The following EPS15L1 variants were observed in gnomAD, a reference collection of about 807,000 sequenced individuals.
EPS15L1 encodes epidermal growth factor receptor pathway substrate 15 like 1.
Under a neutral mutation model 117.1 loss-of-function variants are expected in EPS15L1, and 43 were observed. The ratio of observed to expected loss-of-function variants is 0.37; its 90% CI spans 0.29 to 0.47. EPS15L1 has a LOEUF of 0.47. EPS15L1 is among the 20% of genes least tolerant of loss of function. EPS15L1 has a pLI of 0.99. For synonymous variants in EPS15L1, 459 were observed against 470.5 expected (o/e 0.98, Z 0.32); for missense variants, 981 against 1,164.0 (o/e 0.84, Z 2.29).
intron 1 of EPS15L1, among the ~76,000 whole-genome samples, chr19:16,457,363 GC>G (rs2093207640): frequency 6.6e-6 from 1 of 152,170 alleles, no homozygotes; most frequent in Non-Finnish European, 1.5e-5. Flanking sequence ...TCCGCAGCCA[GC>G]AGCAGACATA....
intron 7 of EPS15L1, among the ~76,000 whole-genome samples, chr19:16,431,926 T>C (rs2092931778): frequency 6.6e-6 from 1 of 152,228 alleles, no homozygotes; most frequent in Non-Finnish European, 1.5e-5. Flanking sequence ...CTTATGCTTG[T>C]ATTTTTCTAA....
chr19:16,387,838 T>G (rs770189347), intron 19 of EPS15L1, among the ~76,000 whole-genome samples: 13 of 151,686 alleles, frequency 8.6e-5, no homozygotes, highest in Non-Finnish European at 1.5e-4. Context: ...GTAAGTGAAG[T>G]TGAAAACAGA....
At chr19:16,422,970 AG>A (rs34129551) in intron 9 of EPS15L1, among the ~76,000 whole-genome samples, 23,057 of 121,082 alleles carry the variant, frequency 0.19, 1,893 homozygotes, top group African/African-American at 0.21. Flanking sequence ...GGAAAAAAAA[AG>A]GGGGGGGGGA....
At chr19:16,403,230 GC>G (rs143206632) in intron 15 of EPS15L1, among the ~76,000 whole-genome samples, 23 of 151,558 alleles carry the variant, frequency 1.5e-4, no homozygotes, top group Admixed American at 7.9e-4. Flanking sequence ...AGAAGCCAGC[GC>G]CCCCCCCTGG....
At chr19:16,367,116 C>T (rs902239431) in intron 22 of EPS15L1, among the ~76,000 whole-genome samples, 1 of 151,530 alleles carries the variant, frequency 6.6e-6, no homozygotes, top group East Asian at 1.9e-4. Flanking sequence ...GGATGGAAAT[C>T]ATGAAAACAA....
intron 22 of EPS15L1, among the ~76,000 whole-genome samples, chr19:16,375,649 G>C (rs2092286193): frequency 6.6e-6 from 1 of 152,208 alleles, no homozygotes; most frequent in South Asian, 2.1e-4. Flanking sequence ...TTTTCCTCCT[G>C]ATGGTAAATG....
rs922700439 is a variant in EPS15L1, at chr19:16,371,345, C to T, written c.2380+5777G>A. On this transcript the variant is annotated intron_variant, in intron 22 of 23. Coordinates refer to ENST00000455140, the MANE Select transcript of EPS15L1 (RefSeq NM_001258374.3). The surrounding 1 kb of genome is among the most constrained non-coding windows in gnomAD (Gnocchi z 4.7). ...CCTGGGTGGATGCCACACACAGGTA[C>T]GGGAGGGGCTTGTTTGCAAGGGGAA... is the stretch of plus-strand genomic sequence containing the variant. 3.9e-5 allele frequency among the ~76,000 whole-genome samples: 6 copies of T among 152,108 alleles called. No homozygotes were observed. Among genetic ancestry groups the T allele is most frequent in the African/African-American group, 9.7e-5 (4 of 41,410 alleles).
intron 1 of EPS15L1, among the ~76,000 whole-genome samples, chr19:16,464,729 T>TAACACTA: frequency 6.7e-6 from 1 of 148,518 alleles, no homozygotes; most frequent in Non-Finnish European, 1.5e-5. Context: ...ACACATAAAA[T>TAACACTA]ACACTAACAC....
chr19:16,427,183 C>T (rs1015171824), intron 8 of EPS15L1, among the ~76,000 whole-genome samples: 8 of 152,078 alleles, frequency 5.3e-5, no homozygotes, highest in Non-Finnish European at 8.8e-5. Context: ...AATTTTCTGT[C>T]GGAGGCCAAG....
Position 16,425,070 on chromosome 19 carries a change from G to A in EPS15L1, c.792+13C>T. On this transcript the variant is annotated intron_variant, in intron 9 of 23. Transcript: ENST00000455140. The stretch of plus-strand genomic sequence containing the variant: ...GCTCTGAGAGGGGGCTGTGCCCGCT[G>A]AGGGCTCCGTACCTGTGTTTGCTTG... The A allele has an allele frequency of 6.2e-7, 1 of 1,608,472 alleles. No individual in the cohort carries two copies. Among genetic ancestry groups the A allele is most frequent in the Non-Finnish European group, 8.5e-7 (1 of 1,174,860 alleles).
intron 16 of EPS15L1, chr19:16,401,685 A>G: frequency 2.0e-6 from 2 of 985,442 alleles, no homozygotes; most frequent in Non-Finnish European, 2.4e-6. Flanking sequence ...GGGGCTCAAG[A>G]GCTCTCAAAA....
intron 12 of EPS15L1, among the ~76,000 whole-genome samples, chr19:16,415,263 A>G (rs1339782091): frequency 6.6e-6 from 1 of 152,118 alleles, no homozygotes; most frequent in Non-Finnish European, 1.5e-5. Context: ...CGGTATCTGG[A>G]GGTTGGACTT....
intron 19 of EPS15L1, among the ~76,000 whole-genome samples, chr19:16,389,707 A>C (rs2092457469): frequency 6.6e-6 from 1 of 152,212 alleles, no homozygotes; most frequent in South Asian, 2.1e-4. Context: ...TAGATGTATG[A>C]AATTCACATG....
In EPS15L1 at chr19:16,377,107, A is replaced by C. The variant is rs1314025901; in HGVS notation, c.2380+15T>G. 6.3e-7 allele frequency: 1 copy of C among 1,583,718 alleles called. No homozygotes were observed. ...ACCGGTAGGCGGTGGCTGCGAGAGA[A>C]GAAAGCTTACTGACCGCTGGGCGGT... On this transcript the variant is annotated intron_variant, in intron 22 of 23. Transcript: ENST00000455140.
At position 16,355,563 on chromosome 19, in the gene EPS15L1, G is replaced by GA. The variant is rs1489357302; in HGVS notation, c.*141dup. The GA allele has an allele frequency of 6.5e-6, 7 of 1,082,460 alleles. No homozygotes were observed. The highest frequency in any genetic ancestry group is 9.0e-6 in the Non-Finnish European group (7 of 777,810). 67.1% of individuals were successfully genotyped at this position (1,082,460 alleles called of 1,614,324 possible). A position where few individuals can be genotyped will look rare whatever the true frequency, so the allele number is the denominator to read the frequency against. On this transcript the variant is annotated 3_prime_UTR_variant, in exon 24 of 24. Transcript: ENST00000455140. ...TGTGACCTTTCCAGGTCTTGCAGCC[G>GA]AGTCTGCTCACCCTGAACAAGCCCC...
intron 1 of EPS15L1, among the ~76,000 whole-genome samples, chr19:16,451,882 A>T (rs1207648660): frequency 6.7e-6 from 1 of 150,158 alleles, no homozygotes; most frequent in East Asian, 2.1e-4. Flanking sequence ...TCACACCTGT[A>T]ATCCTAGCAC....
chr19:16,407,365 G>A (rs1317674067), intron 13 of EPS15L1, among the ~76,000 whole-genome samples: 1 of 152,144 alleles, frequency 6.6e-6, no homozygotes, highest in Admixed American at 6.5e-5. Context: ...GAGTGCAGCG[G>A]TGCAGTCTCA....
At position 16,405,389 on chromosome 19, in the gene EPS15L1, T is replaced by A. The variant is rs1232433263; in HGVS notation, c.1267-640A>T. On this transcript the variant is annotated intron_variant, in intron 13 of 23. Coordinates refer to ENST00000455140, the MANE Select transcript of EPS15L1 (RefSeq NM_001258374.3). This position sits in a 1 kb window ranked among gnomAD's most constrained non-coding sequence, Gnocchi z 4.0. ...TGGGGAGCCCGGTGGGATGTGTGAG[T>A]GTGGGAGGCGGGACATCATGATTCT... Among the ~76,000 whole-genome samples, 1 of 151,780 alleles carries A rather than the reference T, an allele frequency of 6.6e-6. No individual in the cohort carries two copies. Among genetic ancestry groups the A allele is most frequent in the Admixed American group, 6.6e-5 (1 of 15,244 alleles).
intron 12 of EPS15L1, among the ~76,000 whole-genome samples, 173 bp from the exon 13 acceptor site, chr19:16,414,018 T>C (rs1164813883): frequency 6.6e-6 from 1 of 152,134 alleles, no homozygotes; most frequent in Non-Finnish European, 1.5e-5. Context: ...CAACTGTAGG[T>C]AGGACCTGTG....
Sources: allele counts gnomAD v4.1 joint callset (sites outside exome capture counted in the v4.1 genomes callset), GRCh38; gene constraint gnomAD v4.1.1; non-coding constraint Gnocchi (gnomAD v3.1); transcripts MANE v1.5; gene names NCBI Gene and HGNC (gene_info 2026-07-23, HGNC 2026-07-21).